Variants in KNTC1 observed in about 807,000 individuals in gnomAD.
KNTC1 encodes the protein kinetochore-associated protein 1.
In KNTC1, 253 loss-of-function variants were observed where a neutral mutation model predicts 314.4. The ratio of observed to expected loss-of-function variants is 0.80; its 90% confidence interval spans 0.73 to 0.89. The LOEUF is 0.89. KNTC1 is among the 40% of genes least tolerant of loss of function. The pLI is 0.00. For synonymous variants in KNTC1, 901 were observed against 901.4 expected (o/e 1.00, Z 0.01); for missense variants, 2,475 against 2,572.9 (o/e 0.96, Z 0.82).
At chr12:122,623,526 T>C (rs1297402009) in intron 62 of KNTC1, among the ~76,000 whole-genome samples, 1 of 152,184 alleles carries the variant, frequency 6.6e-6, no homozygotes, top group African/African-American at 2.4e-5. Context: ...GAGCAAGTAT[T>C]TTTTGAGTTA....
Position 122,555,720 on chromosome 12 carries a change from G to T in KNTC1, c.1273-1664G>T, listed in dbSNP as rs546716828. Reference sequence around the variant, plus strand: ...AAAAATTATCCTGGTGTGGTGGCAGGCACCTGTAGTCCTAGCTACTTGGGA... The same window carrying T: ...AAAAATTATCCTGGTGTGGTGGCAGTCACCTGTAGTCCTAGCTACTTGGGA... On this transcript the variant is annotated intron_variant, in intron 16 of 63. Transcript: ENST00000333479. Among the ~76,000 whole-genome samples the T allele has an allele frequency of 2.0e-5, 3 of 151,928 alleles. No homozygotes were observed. In the East Asian group the frequency reaches 5.8e-4, roughly 29 times the overall value.
At chr12:122,541,291 T>TGCCTGCCTG (rs745323270) in intron 5 of KNTC1, among the ~76,000 whole-genome samples, 18 of 59,426 alleles carry the variant, frequency 3.0e-4, no homozygotes, top group African/African-American at 8.3e-4. Flanking sequence ...CTGCCTGCCT[T>TGCCTGCCTG]CCTTCCTTCC....
intron 59 of KNTC1, among the ~76,000 whole-genome samples, chr12:122,619,579 ATTG>A (rs1566022414): frequency 6.6e-6 from 1 of 151,888 alleles, no homozygotes; most frequent in African/African-American, 2.4e-5. Context: ...TGCCCGGCTA[ATTG>A]TTTGTATTTT....
rs879566345 is a variant in KNTC1, at chr12:122,598,813, C to CT, written c.4563+887dup. ...AGGCTTTTATGGTTAGACATTTAAA[C>CT]TTTTTTTTTTTTATTTGAGATAGGG... On this transcript the variant is annotated intron_variant, in intron 44 of 63. Coordinates refer to ENST00000333479, the MANE Select transcript of KNTC1 (RefSeq NM_014708.6). Among the ~76,000 whole-genome samples, 363 of 142,116 alleles carry CT rather than the reference C, an allele frequency of 2.6e-3. 1 individual carries two copies. The highest frequency in any genetic ancestry group is 0.019 in the East Asian group (92 of 4,832). The allele number at this position is 142,116 out of a possible 152,430, so 93.2% of individuals were successfully genotyped here.
In KNTC1 at chr12:122,603,199, G is replaced by A. The variant is rs1872173639; in HGVS notation, c.5057G>A (p.Trp1686Ter). 1.2e-6 allele frequency: 2 copies of A among 1,613,070 alleles called. No homozygotes were observed. The highest frequency in any genetic ancestry group is 1.3e-5 in the African/African-American group (1 of 74,854). ...TTACTCTCTATAGTCAACCCAGAGT[G>A]GGCTGTAGCTATTGCCATCAGCCTT... The part of the protein sequence containing the change: ...SCLLSIVNPE[W>*]AVAIAISLAQ... Residue 1686 changes from tryptophan to a stop codon, truncating the protein, a stop_gained, in exon 48 of 64, where the codon TGG (tryptophan) becomes TAG (stop). Transcript: ENST00000333479. LOFTEE classifies it high-confidence loss of function.
Position 122,602,759 on chromosome 12 carries a change from T to C in KNTC1, c.4825+19T>C. Reference sequence around the variant, plus strand: ...ATTCTCTGTATGTGTTCATTAACTTTTTATGAATTTTACTGGATAGCCAAA... The same window carrying C: ...ATTCTCTGTATGTGTTCATTAACTTCTTATGAATTTTACTGGATAGCCAAA... On this transcript the variant is annotated intron_variant, in intron 46 of 63. Coordinates refer to ENST00000333479, the MANE Select transcript of KNTC1 (RefSeq NM_014708.6). 6.2e-7 allele frequency: 1 copy of C among 1,612,574 alleles called. No individual in the cohort carries two copies. The highest frequency in any genetic ancestry group is 8.5e-7 in the Non-Finnish European group (1 of 1,179,252).
intron 2 of KNTC1, among the ~76,000 whole-genome samples, chr12:122,533,143 C>A (rs183343004): frequency 6.6e-6 from 1 of 151,974 alleles, no homozygotes; most frequent in East Asian, 1.9e-4. Context: ...TGGACAGATC[C>A]CTAGAAGATA....
At chr12:122,561,304 G>A (rs976384527) in intron 18 of KNTC1, among the ~76,000 whole-genome samples, 6 of 150,794 alleles carry the variant, frequency 4.0e-5, no homozygotes, top group Non-Finnish European at 2.9e-5. Context: ...GACAGAGCAA[G>A]ACCCTATCTC....
chr12:122,546,354 C>A, intron 9 of KNTC1, 85 bp downstream of exon 9: 1 of 805,284 alleles, frequency 1.2e-6, no homozygotes, highest in Non-Finnish European at 2.1e-6. Context: ...ACATATGGGT[C>A]ATTTTACCCT....
chr12:122,591,115 C>T (rs183527376), intron 41 of KNTC1, among the ~76,000 whole-genome samples: 60 of 151,922 alleles, frequency 3.9e-4, no homozygotes, highest in Non-Finnish European at 7.2e-4. Context: ...TAAAATTTGG[C>T]CTTTTATTAT....
At chr12:122,569,652 A>T (rs1964565012) in intron 21 of KNTC1, 29 bp from the exon 22 acceptor site, 1 of 1,590,432 alleles carries the variant, frequency 6.3e-7, no homozygotes, top group African/African-American at 1.4e-5. Flanking sequence ...AATTTGTCAG[A>T]TCTTAATTTC....
intron 5 of KNTC1, among the ~76,000 whole-genome samples, chr12:122,539,995 G>C (rs1035811637): frequency 1.3e-5 from 2 of 151,586 alleles, no homozygotes; most frequent in African/African-American, 4.8e-5. Context: ...GGCCAGGCTG[G>C]TCTCAAGCTC....
At chr12:122,569,973 T>C in intron 22 of KNTC1, 149 bp downstream of exon 22, 1 of 639,886 alleles carries the variant, frequency 1.6e-6, no homozygotes, top group Non-Finnish European at 2.6e-6. Flanking sequence ...AAGACAACTG[T>C]GATTCAGAAG....
chr12:122,557,465 C>T lies in KNTC1; in HGVS notation c.1354C>T (p.Gln452Ter). The change falls in exon 17 of 64, where the codon CAA (glutamine) becomes TAA (stop). Residue 452 changes from glutamine (Q) to a stop codon, truncating the protein, a stop_gained. Coordinates refer to ENST00000333479, the MANE Select transcript of KNTC1 (RefSeq NM_014708.6). LOFTEE classifies it high-confidence loss of function. Reference sequence around the variant, plus strand: ...GGATGCCAGTGAACAGACCGAATGGCAACAACTTGTAGACGACGCTAAGGA... The same window carrying T: ...GGATGCCAGTGAACAGACCGAATGGTAACAACTTGTAGACGACGCTAAGGA... ...SVDASEQTEWQQLVDDAKENL... is the reference protein window; with the variant it reads ...SVDASEQTEW 2 of 1,613,788 alleles carry T rather than the reference C, an allele frequency of 1.2e-6. No individual in the cohort carries two copies. Among genetic ancestry groups the T allele is most frequent in the African/African-American group, 1.3e-5 (1 of 75,042 alleles).
Position 122,546,612 on chromosome 12 carries a change from T to A in KNTC1, c.764-10T>A. The A allele has an allele frequency of 6.5e-7, 1 of 1,546,036 alleles. No homozygotes were observed. The highest frequency in any genetic ancestry group is 1.8e-5 in the Admixed American group (1 of 54,828). On this transcript the variant is annotated splice_polypyrimidine_tract_variant and intron_variant, in intron 9 of 63. Coordinates refer to ENST00000333479, the MANE Select transcript of KNTC1 (RefSeq NM_014708.6). ...TAAAATCCTGAGACATCTTATTTTC[T>A]CTTTTGTAGGTGCAAAGAAGTTCCA...
rs1565958219 is a variant in KNTC1, at chr12:122,562,442, TGTGTG to T, written c.1543-195_1543-191del. ...AATGTTTTTCTTATCCCATGTTTTG[TGTGTG>T]TGTGTGTGTGTGTGTGTGTGTGTGT... On this transcript the variant is annotated intron_variant, in intron 19 of 63. Coordinates refer to ENST00000333479, the MANE Select transcript of KNTC1 (RefSeq NM_014708.6). Among the ~76,000 whole-genome samples, 93 of 11,576 alleles carry T rather than the reference TGTGTG, an allele frequency of 8.0e-3. 1 individual carries two copies. Among genetic ancestry groups the T allele is most frequent in the African/African-American group, 0.01 (91 of 8,840 alleles). 7.6% of individuals were successfully genotyped at this position (11,576 alleles called of 152,430 possible).
chr12:122,601,037 AC>A (rs1871810708), intron 44 of KNTC1, among the ~76,000 whole-genome samples: 1 of 151,808 alleles, frequency 6.6e-6, no homozygotes, highest in African/African-American at 2.4e-5. Context: ...GTTTATCCTC[AC>A]AGGTAATTTT....
rs189910093 is a variant in KNTC1 at position 122,603,470 on chromosome 12, A to G, written c.5101+227A>G. ...TGACCTTTGCTAGGAATAGGCAGTGATGGGTACTTTTAATATCCAATCACA... is the reference window on the plus strand; with the variant it reads ...TGACCTTTGCTAGGAATAGGCAGTGGTGGGTACTTTTAATATCCAATCACA... On this transcript the variant is annotated intron_variant, in intron 48 of 63. Transcript: ENST00000333479. Among the ~76,000 whole-genome samples the G allele has an allele frequency of 4.8e-3, 724 of 151,468 alleles. 14 individuals carry two copies. Among genetic ancestry groups the G allele is most frequent in the Non-Finnish European group, 3.6e-3 (241 of 67,882 alleles).
intron 18 of KNTC1, among the ~76,000 whole-genome samples, chr12:122,560,694 A>T (rs892994570): frequency 1.3e-5 from 2 of 152,170 alleles, no homozygotes; most frequent in Non-Finnish European, 2.9e-5. Flanking sequence ...TAAATTTTTT[A>T]AGGAACTACC....
Sources: gnomAD v4.1 joint callset for allele counts (sites outside exome capture counted in the v4.1 genomes callset) on GRCh38, gnomAD v4.1.1 for gene constraint, MANE v1.5 for transcripts, NCBI Gene and HGNC (gene_info 2026-07-23, HGNC 2026-07-21) for gene names.